Variants in PLCB4 observed in about 807,000 individuals in gnomAD.
PLCB4 encodes 1-phosphatidylinositol 4,5-bisphosphate phosphodiesterase beta-4.
PLCB4 carries 77 observed loss-of-function variants against 178.8 expected under a neutral mutation model. The observed-to-expected ratio is 0.43, with a 90% CI of 0.36 to 0.52. PLCB4 has a LOEUF of 0.52. PLCB4 is among the 20% of genes least tolerant of loss of function. The probability of loss-of-function intolerance (pLI) is 0.00; values close to 1 mark genes in which losing one functional copy is unlikely to be tolerated. For synonymous variants in PLCB4, 496 were observed against 490.8 expected, an observed-to-expected ratio of 1.01 and a Z score of -0.14; for missense variants, 1,024 against 1,453.4, an observed-to-expected ratio of 0.70 and a Z score of 4.80.
At chr20:9,239,789 ACAGTG>A (rs2094036519) in intron 3 of PLCB4, among the ~76,000 whole-genome samples, 1 of 152,178 alleles carries the variant, frequency 6.6e-6, no homozygotes, top group Non-Finnish European at 1.5e-5. Context: ...AGGGAAGCTG[ACAGTG>A]CAGTCTTCAG....
intron 2 of PLCB4, among the ~76,000 whole-genome samples, chr20:9,149,719 C>T (rs1009900112): frequency 6.6e-5 from 10 of 151,482 alleles, no homozygotes; most frequent in African/African-American, 2.2e-4. Flanking sequence ...CTGAGACTGA[C>T]TTTTTAATCT....
At chr20:9,271,265 T>G (rs976606073) in intron 3 of PLCB4, among the ~76,000 whole-genome samples, 2 of 152,178 alleles carry the variant, frequency 1.3e-5, no homozygotes, top group Non-Finnish European at 2.9e-5. Flanking sequence ...TCAGCTGAAC[T>G]GTCAGAGGTA....
At chr20:9,338,444 C>T (rs2032773516) in intron 6 of PLCB4, among the ~76,000 whole-genome samples, 1 of 152,050 alleles carries the variant, frequency 6.6e-6, no homozygotes, top group Non-Finnish European at 1.5e-5. Context: ...CTGTGGGAGG[C>T]AGAGGGAGGC....
chr20:9,149,358 G>A (rs1314563139), intron 2 of PLCB4, among the ~76,000 whole-genome samples: 1 of 152,096 alleles, frequency 6.6e-6, no homozygotes, highest in Non-Finnish European at 1.5e-5. Flanking sequence ...GCTAGTCTCT[G>A]GGCTGCTTCA....
chr20:9,456,120 G>A (rs1165776500), intron 33 of PLCB4, among the ~76,000 whole-genome samples: 3 of 152,310 alleles, frequency 2.0e-5, no homozygotes, highest in Non-Finnish European at 4.4e-5. Context: ...ACAAGCGTGA[G>A]CCACTGCACC....
At chr20:9,436,981 A>C in intron 29 of PLCB4, 21 bp from the exon 30 acceptor site, 1 of 1,612,550 alleles carries the variant, frequency 6.2e-7, no homozygotes, top group Non-Finnish European at 8.5e-7. Flanking sequence ...ATTTGGGTCA[A>C]TGTAAATGTT....
chr20:9,216,513 G>T (rs566462030), intron 2 of PLCB4, among the ~76,000 whole-genome samples: 1 of 150,742 alleles, frequency 6.6e-6, no homozygotes, highest in African/African-American at 2.4e-5. Context: ...CACTGCGCCC[G>T]GCCTGAGATG....
chr20:9,423,537 A>T (rs1602586671), intron 27 of PLCB4, among the ~76,000 whole-genome samples: 1 of 152,218 alleles, frequency 6.6e-6, no homozygotes, highest in South Asian at 2.1e-4. Flanking sequence ...TTCACGAGAT[A>T]ATTTCCAGGA....
intron 34 of PLCB4, among the ~76,000 whole-genome samples, chr20:9,459,210 G>A (rs2043237384): frequency 6.6e-6 from 1 of 152,148 alleles, no homozygotes; most frequent in African/African-American, 2.4e-5. Flanking sequence ...TGGGCATGGT[G>A]GCACGCATCT....
intron 4 of PLCB4, among the ~76,000 whole-genome samples, chr20:9,328,741 T>C (rs1177610052): frequency 6.6e-6 from 1 of 152,144 alleles, no homozygotes; most frequent in Non-Finnish European, 1.5e-5. Flanking sequence ...TAGGTATAAA[T>C]AGTGAAGCAG....
intron 2 of PLCB4, among the ~76,000 whole-genome samples, chr20:9,216,373 A>G (rs2093732309): frequency 6.6e-6 from 1 of 151,954 alleles, no homozygotes; most frequent in African/African-American, 2.4e-5. Context: ...GCCTGCCACC[A>G]TGCCCGGCTA....
At chr20:9,318,112 G>A (rs2094920085) in intron 4 of PLCB4, among the ~76,000 whole-genome samples, 1 of 151,950 alleles carries the variant, frequency 6.6e-6, no homozygotes, top group Admixed American at 6.6e-5. Flanking sequence ...TTGCGCTATT[G>A]CACTCCAGCC....
intron 1 of PLCB4, among the ~76,000 whole-genome samples, chr20:9,072,714 C>A (rs2089632477): frequency 6.6e-6 from 1 of 152,040 alleles, no homozygotes; most frequent in Non-Finnish European, 1.5e-5. Context: ...ACTTTGGATG[C>A]TTTTTTATGC....
intron 4 of PLCB4, among the ~76,000 whole-genome samples, chr20:9,327,587 T>G (rs990019058): frequency 6.6e-6 from 1 of 151,636 alleles, no homozygotes; most frequent in Non-Finnish European, 1.5e-5. Context: ...CCATCCTGGC[T>G]AACACAGACA....
intron 1 of PLCB4, among the ~76,000 whole-genome samples, chr20:9,093,880 C>T (rs2090791512): frequency 6.6e-6 from 1 of 151,928 alleles, no homozygotes; most frequent in South Asian, 2.1e-4. Flanking sequence ...CACATGGCCC[C>T]TTTTTGGCTC....
At chr20:9,265,147 T>G (rs1248458831) in intron 3 of PLCB4, among the ~76,000 whole-genome samples, 1 of 152,138 alleles carries the variant, frequency 6.6e-6, no homozygotes, top group Non-Finnish European at 1.5e-5. Context: ...TGTTGTAGTA[T>G]TAGGGACCAT....
At chr20:9,167,393 A>G (rs1346873113) in intron 2 of PLCB4, among the ~76,000 whole-genome samples, 1 of 152,182 alleles carries the variant, frequency 6.6e-6, no homozygotes, top group African/African-American at 2.4e-5. Flanking sequence ...TTTCTTTTTC[A>G]TAATTAGTAA....
At position 9,475,442 on chromosome 20, in the gene PLCB4, G is replaced by A. The variant is rs2044478923; in HGVS notation, c.3496-1275G>A. 2.0e-5 allele frequency among the ~76,000 whole-genome samples: 3 copies of A among 152,178 alleles called. No individual in the cohort carries two copies. The South Asian group carries it at 6.2e-4, about 32-fold the overall frequency. On this transcript the variant is annotated intron_variant, in intron 38 of 39. Coordinates refer to ENST00000378473, the MANE Select transcript of PLCB4 (RefSeq NM_001377142.1). The stretch of plus-strand genomic sequence containing the variant: ...AGCTGTATTGATTAGATTGTATTGG[G>A]AGGGTGCTGGCTTTTTGTTGCAGAA...
intron 3 of PLCB4, among the ~76,000 whole-genome samples, chr20:9,224,147 C>T (rs910087452): frequency 2.6e-5 from 4 of 152,226 alleles, no homozygotes; most frequent in South Asian, 2.1e-4. Context: ...TCACAATGTG[C>T]GAAGATAATA....
Sources: allele counts gnomAD v4.1 joint callset (sites outside exome capture counted in the v4.1 genomes callset), GRCh38; gene constraint gnomAD v4.1.1; transcripts MANE v1.5; gene names NCBI Gene and HGNC (gene_info 2026-07-23, HGNC 2026-07-21).